Variants in BTBD1 observed in about 807,000 individuals in gnomAD.
BTBD1 encodes BTB/POZ domain-containing protein 1.
In BTBD1, 34 loss-of-function variants were observed where a neutral mutation model predicts 48.0. The observed-to-expected ratio is 0.71, with a 90% CI of 0.54 to 0.94. BTBD1 has a LOEUF of 0.94. BTBD1 is among the 40% of genes least tolerant of loss of function. The pLI, the probability that BTBD1 is intolerant of heterozygous loss-of-function variation, is 0.00. For synonymous variants in BTBD1, 261 were observed against 242.1 expected, an observed-to-expected ratio of 1.08 and a Z score of -0.72; for missense variants, 543 against 625.6, an observed-to-expected ratio of 0.87 and a Z score of 1.41.
intron 2 of BTBD1, among the ~76,000 whole-genome samples, chr15:83,054,971 G>A (rs1327665548): frequency 2.6e-5 from 4 of 152,196 alleles, no homozygotes; most frequent in Non-Finnish European, 5.9e-5. Flanking sequence ...AATTACCCCA[G>A]GTTTTAATTT....
rs1474072368 is a variant in BTBD1 at position 83,056,552 on chromosome 15, A to C, written c.402-7T>G. 6.2e-7 allele frequency: 1 copy of C among 1,612,366 alleles called. No individual in the cohort carries two copies. Among genetic ancestry groups the C allele is most frequent in the African/African-American group, 1.3e-5 (1 of 75,032 alleles). On this transcript the variant is annotated splice_polypyrimidine_tract_variant and splice_region_variant and intron_variant, in intron 1 of 7. Coordinates refer to ENST00000261721, the MANE Select transcript of BTBD1 (RefSeq NM_025238.4). ...TTCATCTGAATATAGAAATCTGGAA[A>C]ACAATTGGCATATTTGCAGAGATGG...
At chr15:83,051,301 T>C (rs1039172570) in intron 2 of BTBD1, among the ~76,000 whole-genome samples, 7 of 152,154 alleles carry the variant, frequency 4.6e-5, no homozygotes, top group African/African-American at 1.7e-4. Context: ...TTTGGCATGA[T>C]GATGACTCTT....
At chr15:83,036,275 G>A (rs2032629265) in intron 4 of BTBD1, among the ~76,000 whole-genome samples, 1 of 151,420 alleles carries the variant, frequency 6.6e-6, no homozygotes, top group Non-Finnish European at 1.5e-5. Flanking sequence ...TCAGATAAAA[G>A]ACAAAGTCTG....
intron 1 of BTBD1, among the ~76,000 whole-genome samples, chr15:83,058,857 T>C (rs1033057456): frequency 2.4e-4 from 37 of 152,066 alleles, no homozygotes; most frequent in Non-Finnish European, 5.0e-4. Flanking sequence ...CTTAGGAAGA[T>C]GTGGAAAAGG....
chr15:83,060,798 A>C (rs1028677910), intron 1 of BTBD1, among the ~76,000 whole-genome samples: 32 of 152,224 alleles, frequency 2.1e-4, no homozygotes, highest in African/African-American at 7.7e-4. Flanking sequence ...ATCTCAAAAA[A>C]TAAAATAAAA....
chr15:83,044,326 G>A (rs1035208716), intron 3 of BTBD1: 10 of 1,158,930 alleles, frequency 8.6e-6, no homozygotes, highest in Non-Finnish European at 1.2e-5. Flanking sequence ...TGCCCACGCC[G>A]ACGGCAACCC....
At chr15:83,035,833 A>G (rs1172068993) in intron 4 of BTBD1, among the ~76,000 whole-genome samples, 3 of 151,884 alleles carry the variant, frequency 2.0e-5, no homozygotes, top group East Asian at 1.9e-4. Flanking sequence ...ACACTGGGGG[A>G]AAAAAAGGAA....
At chr15:83,026,083 T>A (rs1351739622) in intron 5 of BTBD1, among the ~76,000 whole-genome samples, 1 of 152,160 alleles carries the variant, frequency 6.6e-6, no homozygotes, top group Non-Finnish European at 1.5e-5. Flanking sequence ...TTAACCATTT[T>A]TAAGTGTACA....
At chr15:83,030,358 A>C (rs1422073926) in intron 4 of BTBD1, 30 bp from the exon 5 acceptor site, 21 of 1,565,836 alleles carry the variant, frequency 1.3e-5, no homozygotes, top group Non-Finnish European at 1.7e-5. Flanking sequence ...AGCCTAAAAA[A>C]AGGAATTTGA....
At position 83,018,006 on chromosome 15, in the gene BTBD1, TTTATG is replaced by T; in HGVS notation, c.*56_*60del. The T allele has an allele frequency of 8.6e-7, 1 of 1,166,198 alleles. No homozygotes were observed. Among genetic ancestry groups the T allele is most frequent in the East Asian group, 2.6e-5 (1 of 37,850 alleles). 72.2% of individuals were successfully genotyped at this position (1,166,198 alleles called of 1,614,324 possible). A position where few individuals can be genotyped will look rare whatever the true frequency, so the allele number is the denominator to read the frequency against. ...CACTCAAACTACTTTTTTGTGGCCA[TTTATG>T]TTTTTGACACTAGATTGTATGGTAT... On this transcript the variant is annotated 3_prime_UTR_variant, in exon 8 of 8. Coordinates refer to ENST00000261721, the MANE Select transcript of BTBD1 (RefSeq NM_025238.4).
In BTBD1 at chr15:83,054,432, T is replaced by C. The variant is rs369278797; in HGVS notation, c.558+1957A>G. ...AGTGCCATAATATATGTAAAGGGGA[T>C]AGCTTGGGGTCTGGCATACGTGGAG... On this transcript the variant is annotated intron_variant, in intron 2 of 7. Coordinates refer to ENST00000261721, the MANE Select transcript of BTBD1 (RefSeq NM_025238.4). Among the ~76,000 whole-genome samples the C allele has an allele frequency of 1.2e-4, 19 of 152,274 alleles. No homozygotes were observed. The East Asian group carries it at 1.5e-3, about 12-fold the overall frequency.
At position 83,018,792 on chromosome 15, in the gene BTBD1, C is replaced by T; in HGVS notation, c.1205G>A (p.Gly402Glu). Residue 402 changes from glycine (G) to glutamate (E), a missense_variant, in exon 7 of 8, where the codon GGG (glycine) becomes GAG (glutamate). Physicochemically the swap from Gly to Glu is moderately conservative, Grantham distance 98. Coordinates refer to ENST00000261721, the MANE Select transcript of BTBD1 (RefSeq NM_025238.4). ...CATGACCCTGAATGTGTTAGCTGTC[C>T]CATCACAACTAAAGCCGGTATCATT... ...GQNDTGFSCD[G>E]TANTFRVMFK... 6.2e-7 allele frequency: 1 copy of T among 1,613,844 alleles called. No homozygotes were observed.
intron 3 of BTBD1, among the ~76,000 whole-genome samples, chr15:83,049,437 T>C (rs954236467): frequency 6.6e-6 from 1 of 152,214 alleles, no homozygotes; most frequent in Non-Finnish European, 1.5e-5. Context: ...ATCCATTCTT[T>C]AAGGCTCATA....
intron 1 of BTBD1, among the ~76,000 whole-genome samples, chr15:83,062,519 G>A (rs966838044): frequency 4.7e-4 from 71 of 152,172 alleles, no homozygotes; most frequent in South Asian, 2.1e-4. Context: ...ATTGCAGGGG[G>A]ATAAGAAGTA....
intron 3 of BTBD1, chr15:83,044,419 C>G: frequency 6.3e-7 from 1 of 1,577,128 alleles, no homozygotes; most frequent in Non-Finnish European, 8.7e-7. Flanking sequence ...GGACAGCAAA[C>G]GCTTTGATGA....
In BTBD1 at chr15:83,018,770, G is replaced by A. The variant is rs1192378690; in HGVS notation, c.1227C>T (p.Val409=). The A allele has an allele frequency of 6.2e-7, 1 of 1,613,998 alleles. No individual in the cohort carries two copies. The highest frequency in any genetic ancestry group is 1.3e-5 in the African/African-American group (1 of 74,910). ...GGATCTCTATGGGTTCCTTGAACAT[G>A]ACCCTGAATGTGTTAGCTGTCCCAT... The part of the protein sequence containing the change: ...SCDGTANTFR[V]MFKEPIEILP... The change falls in exon 7 of 8, where the codon GTC becomes GTT. Residue 409 remains valine (V), a synonymous_variant. Transcript: ENST00000261721.
intron 5 of BTBD1, among the ~76,000 whole-genome samples, chr15:83,025,228 C>A (rs895068824): frequency 2.6e-5 from 4 of 151,780 alleles, no homozygotes; most frequent in African/African-American, 9.7e-5. Context: ...GTGGCAGACG[C>A]CTGTAATCCC....
At chr15:83,040,146 C>T (rs927167194) in intron 4 of BTBD1, among the ~76,000 whole-genome samples, 4 of 152,080 alleles carry the variant, frequency 2.6e-5, no homozygotes, top group East Asian at 1.9e-4. Context: ...AACCAAATAC[C>T]GTATGTTCTC....
chr15:83,040,896 G>A (rs1240372511), intron 4 of BTBD1, among the ~76,000 whole-genome samples: 2 of 151,788 alleles, frequency 1.3e-5, no homozygotes, highest in South Asian at 2.1e-4. Context: ...GCTGGGCGTG[G>A]TGGCTTACAC....
Sources: gnomAD v4.1 joint callset for allele counts (sites outside exome capture counted in the v4.1 genomes callset) on GRCh38, gnomAD v4.1.1 for gene constraint, MANE v1.5 for transcripts, NCBI Gene and HGNC (gene_info 2026-07-23, HGNC 2026-07-21) for gene names.